Variants in HYCC1 observed in about 807,000 individuals in gnomAD.
HYCC1 encodes the protein hyccin.
At chr7:23,011,747 T>C in the HYCC1 span, among the ~76,000 whole-genome samples, 13 of 152,220 alleles carry the variant, frequency 8.5e-5, no homozygotes, top group African/African-American at 3.1e-4. Flanking sequence ...TGACTCGTCA[T>C]TGTCAATGAC....
At chr7:22,929,778 G>C in the HYCC1 span, among the ~76,000 whole-genome samples, 1 of 152,220 alleles carries the variant, frequency 6.6e-6, no homozygotes, top group Non-Finnish European at 1.5e-5. Context: ...GTGGAAGTCA[G>C]TGTGGCGATT....
At chr7:22,949,919 A>T in the HYCC1 span, among the ~76,000 whole-genome samples, 1 of 152,128 alleles carries the variant, frequency 6.6e-6, no homozygotes, top group African/African-American at 2.4e-5. Flanking sequence ...CAGATTTTTT[A>T]AACTGCTTAT....
At chr7:22,929,285 G>A in the HYCC1 span, among the ~76,000 whole-genome samples, 1 of 152,222 alleles carries the variant, frequency 6.6e-6, no homozygotes, top group East Asian at 1.9e-4. Context: ...GCATGGGCAA[G>A]GACTTCATGT....
chr7:22,995,258 C>T, the HYCC1 span, among the ~76,000 whole-genome samples: 1 of 152,224 alleles, frequency 6.6e-6, no homozygotes, highest in African/African-American at 2.4e-5. Context: ...CACCCCACGC[C>T]CTTGCCCTGC....
the HYCC1 span, among the ~76,000 whole-genome samples, chr7:22,948,982 G>C: frequency 1.3e-5 from 2 of 151,982 alleles, no homozygotes; most frequent in Non-Finnish European, 2.9e-5. Flanking sequence ...ATGGCACTGT[G>C]GAGTGACAGC....
At chr7:22,961,895 A>G in the HYCC1 span, among the ~76,000 whole-genome samples, 1 of 151,932 alleles carries the variant, frequency 6.6e-6, no homozygotes, top group Non-Finnish European at 1.5e-5. Flanking sequence ...GTGTGTATGC[A>G]TAATTTTCAA....
the HYCC1 span, chr7:22,991,114 T>C: frequency 6.2e-7 from 1 of 1,610,284 alleles, no homozygotes; most frequent in Non-Finnish European, 8.5e-7. Context: ...GTAAACATTT[T>C]TCCACATCTG....
At chr7:22,964,265 A>G in the HYCC1 span, 1 of 611,996 alleles carries the variant, frequency 1.6e-6, no homozygotes, top group African/African-American at 1.9e-5. Flanking sequence ...ATAGTTTTAA[A>G]GTATTAAAAC....
chr7:22,933,226 C>CT, the HYCC1 span, among the ~76,000 whole-genome samples: 1 of 152,102 alleles, frequency 6.6e-6, no homozygotes, highest in East Asian at 1.9e-4. Flanking sequence ...TGTGATAAAT[C>CT]TTTATCTTCT....
At chr7:22,983,477 C>G in the HYCC1 span, among the ~76,000 whole-genome samples, 1 of 152,132 alleles carries the variant, frequency 6.6e-6, no homozygotes, top group South Asian at 2.1e-4. Context: ...TATACTATCC[C>G]CACTGCATGG....
At chr7:23,000,551 A>G in the HYCC1 span, among the ~76,000 whole-genome samples, 11 of 152,126 alleles carry the variant, frequency 7.2e-5, no homozygotes, top group Admixed American at 1.3e-4. Context: ...TTTTTCACCT[A>G]ATATATCATG....
At chr7:22,978,015 T>G in the HYCC1 span, 1 of 579,318 alleles carries the variant, frequency 1.7e-6, no homozygotes, top group Non-Finnish European at 3.1e-6. Flanking sequence ...ACACTGATAT[T>G]TTCAGATATC....
At chr7:22,967,151 T>A in the HYCC1 span, among the ~76,000 whole-genome samples, 10 of 152,338 alleles carry the variant, frequency 6.6e-5, no homozygotes, top group African/African-American at 2.4e-4. Flanking sequence ...GAGATATACA[T>A]GATGGATGTA....
the HYCC1 span, among the ~76,000 whole-genome samples, chr7:22,911,526 G>A: frequency 1.9e-4 from 29 of 152,286 alleles, no homozygotes; most frequent in South Asian, 2.1e-3. Flanking sequence ...TTGGGAGCCC[G>A]AGGTGGGCGG....
chr7:22,905,676 A>C, the HYCC1 span, among the ~76,000 whole-genome samples: 1 of 152,022 alleles, frequency 6.6e-6, no homozygotes, highest in Non-Finnish European at 1.5e-5. Context: ...AATTCTTTTC[A>C]ATTTTTCCTG....
the HYCC1 span, chr7:22,961,400 C>A: frequency 1.2e-6 from 1 of 831,920 alleles, no homozygotes; most frequent in African/African-American, 1.7e-5. Context: ...ACTATCTTTA[C>A]TGAAGAAAAT....
the HYCC1 span, chr7:22,938,072 A>T: frequency 6.6e-6 from 1 of 152,230 alleles, no homozygotes; most frequent in Non-Finnish European, 1.5e-5. Context: ...TAGCCCATGT[A>T]TGTCAACATA....
chr7:22,923,515 G>T, the HYCC1 span, among the ~76,000 whole-genome samples: 2 of 151,892 alleles, frequency 1.3e-5, no homozygotes, highest in African/African-American at 2.4e-5. Context: ...AGAAAAGAAC[G>T]AAACTCAAAG....
At chr7:22,920,619 G>C in the HYCC1 span, among the ~76,000 whole-genome samples, 1 of 152,042 alleles carries the variant, frequency 6.6e-6, no homozygotes, top group African/African-American at 2.4e-5. Flanking sequence ...AAAGACCAAA[G>C]GAAGTTCTTC....
Sources: gnomAD v4.1 joint callset for allele counts (sites outside exome capture counted in the v4.1 genomes callset) on GRCh38, gnomAD v4.1.1 for gene constraint, MANE v1.5 for transcripts, NCBI Gene and HGNC (gene_info 2026-07-23, HGNC 2026-07-21) for gene names.